The following MYO18A variants were observed in gnomAD, a reference collection of about 807,000 sequenced individuals.
MYO18A encodes the protein myosin XVIIIA.
In MYO18A, 78 loss-of-function variants were observed where a neutral mutation model predicts 235.8. That is an observed-to-expected ratio of 0.33 (90% CI 0.28 to 0.40). The LOEUF is 0.40. Among genes scored for constraint, MYO18A ranks in the 10% least tolerant of loss-of-function variants. MYO18A has a pLI of 1.00. For synonymous variants in MYO18A, 977 were observed against 1,077.8 expected (o/e 0.91, Z 1.83); for missense variants, 2,215 against 2,699.3 (o/e 0.82, Z 3.98).
At position 29,094,798 on chromosome 17, in the gene MYO18A, G is replaced by A; in HGVS notation, c.4562C>T (p.Ala1521Val). 1.9e-6 allele frequency: 3 copies of A among 1,614,026 alleles called. No individual in the cohort carries two copies. Among genetic ancestry groups the A allele is most frequent in the Non-Finnish European group, 2.5e-6 (3 of 1,179,906 alleles). Residue 1521 changes from alanine to valine, a missense_variant, in exon 30 of 42, where the codon GCA becomes GTA. Coordinates refer to ENST00000527372, the MANE Select transcript of MYO18A (RefSeq NM_078471.4). ...GFTQKVVSLE[A>V]ELQDISSQES... ...TTGGGAAGAAATGTCCTGGAGCTCT[G>A]CCTCTAGAGACACAACCTTCTGGGT...
At chr17:29,141,820 C>G (rs1462226817) in intron 2 of MYO18A, among the ~76,000 whole-genome samples, 2 of 152,256 alleles carry the variant, frequency 1.3e-5, no homozygotes, top group East Asian at 3.8e-4. Flanking sequence ...ATGGTGCCAG[C>G]CTCAGCTGCT....
At chr17:29,092,505 G>T in intron 33 of MYO18A, 49 bp from the exon 34 acceptor site, 2 of 1,447,556 alleles carry the variant, frequency 1.4e-6, no homozygotes, top group South Asian at 1.2e-5. Context: ...GCCATTCCTT[G>T]GGGGCAGGAG....
chr17:29,120,779 G>A lies in MYO18A; in HGVS notation c.1586-21C>T. ...CTCCACTGCAGAATACAGGCCCAAG[G>A]GGATATCAGGAAAGCCAGGGGCAGC... On this transcript the variant is annotated intron_variant, in intron 6 of 41. Coordinates refer to ENST00000527372, the MANE Select transcript of MYO18A (RefSeq NM_078471.4). The surrounding 1 kb of genome is among the most constrained non-coding windows in gnomAD (Gnocchi z 4.2). The A allele has an allele frequency of 6.2e-7, 1 of 1,605,520 alleles. No individual in the cohort carries two copies. Among genetic ancestry groups the A allele is most frequent in the Non-Finnish European group, 8.5e-7 (1 of 1,174,810 alleles).
intron 2 of MYO18A, chr17:29,131,403 G>A (rs1050597537): frequency 1.0e-6 from 1 of 985,762 alleles, no homozygotes; most frequent in Admixed American, 6.1e-5. Context: ...TCCTTGCCAG[G>A]AGAGCCAGGC....
chr17:29,074,205 A>G lies in MYO18A; in HGVS notation c.*565T>C. The G allele has an allele frequency of 6.3e-7, 1 of 1,586,488 alleles. No individual in the cohort carries two copies. Among genetic ancestry groups the G allele is most frequent in the Non-Finnish European group, 8.6e-7 (1 of 1,163,112 alleles). Reference sequence around the variant, plus strand: ...GGTGAAGATGGAGATGACATTCCCGAGTCGTTCTTGGGAGCCCCAGCTACC... The same window carrying G: ...GGTGAAGATGGAGATGACATTCCCGGGTCGTTCTTGGGAGCCCCAGCTACC... On this transcript the variant is annotated 3_prime_UTR_variant, in exon 42 of 42. Transcript: ENST00000527372. The surrounding 1 kb of genome is among the most constrained non-coding windows in gnomAD (Gnocchi z 4.4).
chr17:29,098,057 G>T (rs975472884), intron 25 of MYO18A, 48 bp downstream of exon 25: 1 of 1,606,114 alleles, frequency 6.2e-7, no homozygotes. Context: ...TGGGCACTAG[G>T]GTATGGCAGT....
intron 19 of MYO18A, chr17:29,107,506 G>A (rs1014416912): frequency 6.2e-5 from 18 of 289,480 alleles, no homozygotes; most frequent in African/African-American, 3.5e-4. Flanking sequence ...TAGCTGACCA[G>A]CTGGGAGGAA....
At chr17:29,080,777 G>A (rs2066101863) in intron 41 of MYO18A, 2 of 985,382 alleles carry the variant, frequency 2.0e-6, no homozygotes, top group South Asian at 9.4e-5. Flanking sequence ...CACTCCTCCG[G>A]CTCCTCGGAC....
rs372303213 is a variant in MYO18A, at chr17:29,166,851, C to G, written c.90G>C (p.Ala30=). Residue 30 remains alanine (A), a synonymous_variant, in exon 2 of 42, where the codon GCG becomes GCC. Transcript: ENST00000527372. ...TCTCCTCCAGGCTCCGAAGCTCTGC[C>G]GCTGACATCCGCTCCTTTTTCTCCT... ...EKKEKKERMS[A]AELRSLEEMS... is the part of the protein sequence containing the mutation. 3 of 1,565,870 alleles carry G rather than the reference C, an allele frequency of 1.9e-6. No homozygotes were observed. In the East Asian group the frequency reaches 7.2e-5, roughly 37 times the overall value.
chr17:29,123,549 C>A (rs965556128), intron 2 of MYO18A, among the ~76,000 whole-genome samples: 2 of 152,326 alleles, frequency 1.3e-5, no homozygotes, highest in East Asian at 1.9e-4. Context: ...TGGCTTCTGG[C>A]TTTAGACAGA....
rs199704005 is a variant in MYO18A, at chr17:29,118,143, G to A, written c.1940C>T (p.Ala647Val). The A allele has an allele frequency of 1.4e-4, 217 of 1,596,966 alleles. 1 individual carries two copies. In the East Asian group the frequency reaches 2.9e-3, roughly 21 times the overall value. The change falls in exon 10 of 42, where the codon GCG (alanine) becomes GTG (valine). Residue 647 changes from alanine (A) to valine (V), a missense_variant. Coordinates refer to ENST00000527372, the MANE Select transcript of MYO18A (RefSeq NM_078471.4). This position sits in a 1 kb window ranked among gnomAD's most constrained non-coding sequence, Gnocchi z 4.2. ...GGAGATGCCCAGCACCTTCATGGCCGCCTGCAGCTTACTAAACTGCTGAGC... is the reference window on the plus strand; with the variant it reads ...GGAGATGCCCAGCACCTTCATGGCCACCTGCAGCTTACTAAACTGCTGAGC... ...KAAQQFSKLQAAMKVLGISPD... is the reference protein window; with the variant it reads ...KAAQQFSKLQVAMKVLGISPD...
intron 2 of MYO18A, among the ~76,000 whole-genome samples, chr17:29,146,372 G>A (rs576503525): frequency 6.6e-6 from 1 of 152,304 alleles, no homozygotes; most frequent in South Asian, 2.1e-4. Context: ...AAGGAGGGAG[G>A]GATAAAGCTG....
chr17:29,115,142 C>T (rs761959369), intron 13 of MYO18A, 43 bp from the exon 14 acceptor site: 24 of 1,566,174 alleles, frequency 1.5e-5, no homozygotes, highest in African/African-American at 1.4e-5. Flanking sequence ...TGGTTGGCCC[C>T]GGGCACCAGG....
intron 1 of MYO18A, among the ~76,000 whole-genome samples, chr17:29,177,125 A>C (rs2068552134): frequency 6.6e-6 from 1 of 152,144 alleles, no homozygotes; most frequent in Non-Finnish European, 1.5e-5. Context: ...AGTTATCTTC[A>C]AGGGCCTGAC....
chr17:29,115,649 AG>A lies in MYO18A; in HGVS notation c.2227+14del. ...GCCTCACACTCACAACTACCAGCCA[AG>A]GGACAAAGGGTACCTGTCCCATCTC... On this transcript the variant is annotated intron_variant, in intron 12 of 41. Coordinates refer to ENST00000527372, the MANE Select transcript of MYO18A (RefSeq NM_078471.4). 1 of 1,577,788 alleles carries A rather than the reference AG, an allele frequency of 6.3e-7. No homozygotes were observed.
chr17:29,162,818 T>G (rs1446408595), intron 2 of MYO18A, among the ~76,000 whole-genome samples: 1 of 152,138 alleles, frequency 6.6e-6, no homozygotes, highest in Non-Finnish European at 1.5e-5. Context: ...AGGCCACAAA[T>G]CTACCCTACC....
At position 29,074,890 on chromosome 17, in the gene MYO18A, A is replaced by C; in HGVS notation, c.6045T>G (p.Leu2015=). Residue 2015 remains leucine (L), a synonymous_variant, in exon 42 of 42, where the codon CTT becomes CTG. Coordinates refer to ENST00000527372, the MANE Select transcript of MYO18A (RefSeq NM_078471.4). This position sits in a 1 kb window ranked among gnomAD's most constrained non-coding sequence, Gnocchi z 4.4. ...SSSPTSYWKS[L]APDRSDDEHD... is the part of the protein sequence containing the mutation. ...GCTCATCATCTGACCGATCAGGGGC[A>C]AGGGACTTCCAGTAGCTGGTGGGGC... 1 of 1,613,958 alleles carries C rather than the reference A, an allele frequency of 6.2e-7. No homozygotes were observed. The highest frequency in any genetic ancestry group is 8.5e-7 in the Non-Finnish European group (1 of 1,179,888).
chr17:29,150,577 C>G (rs569154967), intron 2 of MYO18A, among the ~76,000 whole-genome samples: 1 of 152,240 alleles, frequency 6.6e-6, no homozygotes. Flanking sequence ...AAGGAGGAAA[C>G]AAACCTTCAA....
intron 1 of MYO18A, among the ~76,000 whole-genome samples, chr17:29,176,342 G>T (rs2068526336): frequency 1.3e-5 from 2 of 151,952 alleles, no homozygotes; most frequent in Admixed American, 1.3e-4. Flanking sequence ...TCTTGTGGCT[G>T]TAAGTGGGGA....
Sources: gnomAD v4.1 joint callset for allele counts (sites outside exome capture counted in the v4.1 genomes callset) on GRCh38, gnomAD v4.1.1 for gene constraint, Gnocchi (gnomAD v3.1) non-coding constraint, MANE v1.5 for transcripts, NCBI Gene and HGNC (gene_info 2026-07-23, HGNC 2026-07-21) for gene names.